GABRA5: variants seen among roughly 807,000 people sequenced by gnomAD.
GABRA5 encodes gamma-aminobutyric acid receptor subunit alpha-5.
A neutral mutation model predicts 47.3 loss-of-function variants in GABRA5; 18 were observed. That is an observed-to-expected ratio of 0.38 (90% CI 0.26 to 0.56). The LOEUF is 0.56. Ranked by LOEUF, GABRA5 falls within the 20% of genes least tolerant of loss-of-function variation. The pLI is 0.71. For synonymous variants in GABRA5, 237 were observed against 229.3 expected, an observed-to-expected ratio of 1.03 and a Z score of -0.30; for missense variants, 365 against 599.3, an observed-to-expected ratio of 0.61 and a Z score of 4.08.
rs1680802030 is a variant in GABRA5 at position 26,948,304 on chromosome 15, C to G, written c.*71C>G. 6.9e-7 allele frequency: 1 copy of G among 1,445,306 alleles called. No individual in the cohort carries two copies. Among genetic ancestry groups the G allele is most frequent in the Admixed American group, 2.1e-5 (1 of 47,838 alleles). The allele number at this position is 1,445,306 out of a possible 1,614,324, so 89.5% of individuals were successfully genotyped here. The stretch of plus-strand genomic sequence containing the variant: ...TGGTACCAAGGAGAGGTCTTGCTCA[C>G]AGGGACTCTCCATATGTGAGCACTA... On this transcript the variant is annotated 3_prime_UTR_variant, in exon 11 of 11. Transcript: ENST00000335625.
chr15:26,911,577 A>G (rs1893594779), intron 6 of GABRA5, among the ~76,000 whole-genome samples: 1 of 152,166 alleles, frequency 6.6e-6, no homozygotes, highest in Non-Finnish European at 1.5e-5. Context: ...TTTTATAAAC[A>G]CACGGTATTG....
intron 6 of GABRA5, among the ~76,000 whole-genome samples, chr15:26,888,194 C>T (rs1003863906): frequency 4.6e-5 from 7 of 152,316 alleles, no homozygotes; most frequent in African/African-American, 1.2e-4. Flanking sequence ...CTTCCTACCA[C>T]GAGTGGGTCA....
intron 6 of GABRA5, among the ~76,000 whole-genome samples, chr15:26,907,849 G>A (rs6606901): frequency 0.51 from 77,867 of 152,062 alleles, 20,105 homozygotes; most frequent in Middle Eastern, 0.57. Context: ...AAATCAAGCA[G>A]TGCCTAACTA....
intron 9 of GABRA5, among the ~76,000 whole-genome samples, chr15:26,942,461 CT>C (rs758337700): frequency 2.6e-5 from 4 of 152,238 alleles, no homozygotes; most frequent in African/African-American, 4.8e-5. Flanking sequence ...TCTTACAAGT[CT>C]GCAGTCGGGT....
intron 7 of GABRA5, among the ~76,000 whole-genome samples, chr15:26,934,940 T>C (rs1350593820): frequency 6.6e-6 from 1 of 152,228 alleles, no homozygotes; most frequent in East Asian, 1.9e-4. Context: ...GTTTCAGACC[T>C]TCTTGCCTGG....
intron 7 of GABRA5, among the ~76,000 whole-genome samples, chr15:26,936,052 T>G (rs1894233400): frequency 6.6e-6 from 1 of 152,082 alleles, no homozygotes; most frequent in Admixed American, 6.5e-5. Flanking sequence ...GTTCACGTGA[T>G]AGTGAGTGAG....
chr15:26,945,208 G>A (rs552339263), intron 10 of GABRA5, among the ~76,000 whole-genome samples: 4 of 152,296 alleles, frequency 2.6e-5, no homozygotes, highest in East Asian at 3.9e-4. Flanking sequence ...AAGGCTCTGC[G>A]TGCTGGAAGC....
rs1365893631 is a variant in GABRA5, at chr15:26,883,651, C to G, written c.497+94C>G. On this transcript the variant is annotated intron_variant, in intron 6 of 10. Coordinates refer to ENST00000335625, the MANE Select transcript of GABRA5 (RefSeq NM_000810.4). The surrounding 1 kb of genome is among the most constrained non-coding windows in gnomAD (Gnocchi z 4.8). ...GCAAGAGCTGCGCCGCGGAGCTGTTCTGACCATAGGTCTGAGACTGCGGCG... is the reference window on the plus strand; with the variant it reads ...GCAAGAGCTGCGCCGCGGAGCTGTTGTGACCATAGGTCTGAGACTGCGGCG... The G allele has an allele frequency of 1.2e-5, 12 of 1,032,868 alleles. No homozygotes were observed. The East Asian group carries it at 3.1e-4, about 26-fold the overall frequency. 64.0% of individuals were successfully genotyped at this position (1,032,868 alleles called of 1,614,324 possible).
intron 6 of GABRA5, among the ~76,000 whole-genome samples, chr15:26,887,316 C>G (rs1432044183): frequency 1.3e-5 from 2 of 152,012 alleles, no homozygotes; most frequent in African/African-American, 4.8e-5. Context: ...AACTAGGTTT[C>G]CATGATGCCT....
Position 26,914,848 on chromosome 15 carries a change from G to C in GABRA5, c.543G>C (p.Pro181=). 6.2e-7 allele frequency: 1 copy of C among 1,613,890 alleles called. No homozygotes were observed. The highest frequency in any genetic ancestry group is 8.5e-7 in the Non-Finnish European group (1 of 1,179,856). ...AECPMQLEDF[P]MDAHACPLKF... The stretch of plus-strand genomic sequence containing the variant: ...GCCCCATGCAGCTTGAGGACTTCCC[G>C]ATGGATGCGCACGCTTGCCCTCTGA... Residue 181 remains proline, a synonymous_variant, in exon 7 of 11, where the codon CCG becomes CCC. Transcript: ENST00000335625.
intron 6 of GABRA5, 59 bp from the exon 7 acceptor site, chr15:26,914,744 G>T: frequency 7.7e-7 from 1 of 1,296,944 alleles, no homozygotes; most frequent in Non-Finnish European, 1.1e-6. Flanking sequence ...CACGATGGTG[G>T]CTCAGTGAAT....
chr15:26,875,076 C>T (rs755160651), intron 3 of GABRA5, among the ~76,000 whole-genome samples: 2 of 152,184 alleles, frequency 1.3e-5, no homozygotes, highest in Non-Finnish European at 2.9e-5. Flanking sequence ...AATCATGGGT[C>T]CAGGATCACA....
intron 7 of GABRA5, among the ~76,000 whole-genome samples, chr15:26,930,358 C>A (rs1206496210): frequency 6.6e-6 from 1 of 152,140 alleles, no homozygotes; most frequent in Non-Finnish European, 1.5e-5. Flanking sequence ...CCCTCTCCTC[C>A]CATTTTACAA....
At position 26,923,186 on chromosome 15, in the gene GABRA5, C is replaced by T. The variant is rs929763452; in HGVS notation, c.580+8301C>T. Among the ~76,000 whole-genome samples the T allele has an allele frequency of 9.2e-5, 14 of 152,148 alleles. No individual in the cohort carries two copies. The East Asian group carries it at 2.7e-3, about 29-fold the overall frequency. ...TTATATTTATCCATATTTTTACTTA[C>T]TGTGTTCTTTTTTCCTTCTCAGTGT... is the stretch of plus-strand genomic sequence containing the variant. On this transcript the variant is annotated intron_variant, in intron 7 of 10. Transcript: ENST00000335625.
intron 7 of GABRA5, among the ~76,000 whole-genome samples, chr15:26,919,963 A>AT (rs1229860780): frequency 6.6e-6 from 1 of 151,826 alleles, no homozygotes; most frequent in Non-Finnish European, 1.5e-5. Context: ...GATAAAAAAA[A>AT]ATCCATTCAT....
chr15:26,902,941 A>G (rs1893359989), intron 6 of GABRA5, among the ~76,000 whole-genome samples: 1 of 152,146 alleles, frequency 6.6e-6, no homozygotes, highest in South Asian at 2.1e-4. Flanking sequence ...AATGGATTAC[A>G]TTAATTGATT....
chr15:26,937,022 G>A (rs1402679571), intron 7 of GABRA5, among the ~76,000 whole-genome samples, 163 bp from the exon 8 acceptor site: 1 of 152,194 alleles, frequency 6.6e-6, no homozygotes, highest in Non-Finnish European at 1.5e-5. Context: ...AACTGCAGTG[G>A]CGTCTGCCCT....
At chr15:26,868,548 G>C (rs528783531) in intron 1 of GABRA5, among the ~76,000 whole-genome samples, 181 bp from the exon 2 acceptor site, 7 of 152,340 alleles carry the variant, frequency 4.6e-5, no homozygotes, top group Admixed American at 1.3e-4. Flanking sequence ...ACATTAATTA[G>C]GGTCCAGCAT....
At chr15:26,925,205 A>AT (rs901844726) in intron 7 of GABRA5, among the ~76,000 whole-genome samples, 8 of 150,360 alleles carry the variant, frequency 5.3e-5, no homozygotes, top group South Asian at 2.1e-4. Context: ...ATTTCTTCTA[A>AT]TTTTTTTTTT....
Sources: allele counts gnomAD v4.1 joint callset (sites outside exome capture counted in the v4.1 genomes callset), GRCh38; gene constraint gnomAD v4.1.1; non-coding constraint Gnocchi (gnomAD v3.1); transcripts MANE v1.5; gene names NCBI Gene and HGNC (gene_info 2026-07-23, HGNC 2026-07-21).